ACADM: variants seen among roughly 807,000 people sequenced by gnomAD.
The protein encoded by ACADM is medium-chain specific acyl-CoA dehydrogenase, mitochondrial.
Under a neutral mutation model 58.9 loss-of-function variants are expected in ACADM, and 49 were observed. The observed-to-expected ratio is 0.83, with a 90% CI of 0.66 to 1.06. ACADM has a LOEUF of 1.06. Ranked by LOEUF, ACADM falls within the 50% of genes least tolerant of loss-of-function variation. ACADM has a pLI of 0.00. For synonymous variants in ACADM, 160 were observed against 157.7 expected, an observed-to-expected ratio of 1.01 and a Z score of -0.11; for missense variants, 496 against 507.0, an observed-to-expected ratio of 0.98 and a Z score of 0.21.
chr1:75,726,376 A>AAAG (rs1394184706), intron 1 of ACADM, among the ~76,000 whole-genome samples: 11 of 151,228 alleles, frequency 7.3e-5, no homozygotes, highest in African/African-American at 2.4e-4. Context: ...CAAAAAAAAA[A>AAAG]AAAAGTCCCT....
At chr1:75,735,131 C>T (rs943232680) in intron 6 of ACADM, among the ~76,000 whole-genome samples, 4 of 151,802 alleles carry the variant, frequency 2.6e-5, no homozygotes, top group East Asian at 1.9e-4. Flanking sequence ...GCCTGGCTAA[C>T]GTGGTGAAAC....
rs3831899 is a variant in ACADM at position 75,726,366 on chromosome 1, CAAAAA to C, written c.30+1559_30+1563del. 6.3e-3 allele frequency among the ~76,000 whole-genome samples: 903 copies of C among 143,180 alleles called. 14 individuals carry two copies. The highest frequency in any genetic ancestry group is 0.023 in the African/African-American group (870 of 38,642). The allele number at this position is 143,180 out of a possible 152,430, so 93.9% of individuals were successfully genotyped here. A position where few individuals can be genotyped will look rare whatever the true frequency, so the allele number is the denominator to read the frequency against. On this transcript the variant is annotated intron_variant, in intron 1 of 11. Transcript: ENST00000370841. Reference sequence around the variant, plus strand: ...CCTGGGTGACAGAGGGAGACTCTGTCAAAAAAAAAAAAAAGTCCCTCAGTAGACCA... The same window carrying C: ...CCTGGGTGACAGAGGGAGACTCTGTCAAAAAAAAAGTCCCTCAGTAGACCA...
rs756863325 is a variant in ACADM, at chr1:75,732,939, T to G, written c.286+17T>G. ...AGAACTGTGGTAAGCTTTCTTTATATTTTTAATACTGGAATGCATATGAGT... is the reference window on the plus strand; with the variant it reads ...AGAACTGTGGTAAGCTTTCTTTATAGTTTTAATACTGGAATGCATATGAGT... On this transcript the variant is annotated intron_variant, in intron 4 of 11. Coordinates refer to ENST00000370841, the MANE Select transcript of ACADM (RefSeq NM_000016.6). The G allele has an allele frequency of 2.5e-6, 4 of 1,613,516 alleles. No homozygotes were observed. The South Asian group carries it at 4.4e-5, about 18-fold the overall frequency.
At chr1:75,732,049 A>G (rs1411128198) in intron 2 of ACADM, among the ~76,000 whole-genome samples, 1 of 152,058 alleles carries the variant, frequency 6.6e-6, no homozygotes, top group Non-Finnish European at 1.5e-5. Flanking sequence ...CTAGTTGAGA[A>G]GCTGTGGTGG....
intron 10 of ACADM, among the ~76,000 whole-genome samples, chr1:75,755,604 C>T (rs1201271963): frequency 6.6e-6 from 1 of 152,198 alleles, no homozygotes; most frequent in Non-Finnish European, 1.5e-5. Context: ...AAAACCGCAT[C>T]TGTACGTCAC....
chr1:75,737,327 T>TATATATATGA (rs1491168235), intron 6 of ACADM, among the ~76,000 whole-genome samples: 22 of 76,662 alleles, frequency 2.9e-4, no homozygotes, highest in African/African-American at 1.2e-3. Flanking sequence ...TATATATATA[T>TATATATATGA]GAAACCAAAA....
intron 2 of ACADM, among the ~76,000 whole-genome samples, chr1:75,729,247 A>T (rs1340953441): frequency 4.6e-5 from 5 of 109,396 alleles, no homozygotes; most frequent in Admixed American, 8.5e-5. Flanking sequence ...TTTTTTTCTT[A>T]CCAGAATTTA....
intron 1 of ACADM, among the ~76,000 whole-genome samples, chr1:75,727,438 T>G (rs1647074042): frequency 6.6e-6 from 1 of 152,222 alleles, no homozygotes; most frequent in African/African-American, 2.4e-5. Flanking sequence ...TCTTTTACAG[T>G]GAAAATTGTG....
Position 75,733,531 on chromosome 1 carries a change from G to A in ACADM, c.290G>A (p.Gly97Asp), listed in dbSNP as rs1411355212. 1 of 1,612,884 alleles carries A rather than the reference G, an allele frequency of 6.2e-7. No homozygotes were observed. The highest frequency in any genetic ancestry group is 1.3e-5 in the African/African-American group (1 of 74,878). The change falls in exon 5 of 12, where the codon GGT becomes GAT. Residue 97 changes from glycine to aspartate, a missense_variant. Coordinates refer to ENST00000370841, the MANE Select transcript of ACADM (RefSeq NM_000016.6). ...TTGAAACATTTTGATACTGTAGGAG[G>A]TCTTGGACTTGGAACTTTTGATGCT... The part of the protein sequence containing the change: ...MNTHIPENCG[G>D]LGLGTFDACL...
chr1:75,756,635 C>T (rs1648523624), intron 10 of ACADM, among the ~76,000 whole-genome samples: 1 of 152,128 alleles, frequency 6.6e-6, no homozygotes, highest in African/African-American at 2.4e-5. Context: ...GGCCATATTG[C>T]CCAAGGTAAT....
At chr1:75,744,099 T>G in intron 7 of ACADM, 1 of 1,588,960 alleles carries the variant, frequency 6.3e-7, no homozygotes, top group Admixed American at 1.7e-5. Flanking sequence ...ATCCTGTTCA[T>G]TTTCTCCTGA....
rs990706580 is a variant in ACADM at position 75,733,523 on chromosome 1, T to C, written c.287-5T>C. On this transcript the variant is annotated splice_region_variant and splice_polypyrimidine_tract_variant and intron_variant, in intron 4 of 11. Coordinates refer to ENST00000370841, the MANE Select transcript of ACADM (RefSeq NM_000016.6). ...ACAATGTGTTGAAACATTTTGATAC[T>C]GTAGGAGGTCTTGGACTTGGAACTT... 4 of 1,609,080 alleles carry C rather than the reference T, an allele frequency of 2.5e-6. No individual in the cohort carries two copies. Among genetic ancestry groups the C allele is most frequent in the Non-Finnish European group, 3.4e-6 (4 of 1,175,458 alleles).
intron 4 of ACADM, chr1:75,733,252 G>A: frequency 6.7e-7 from 1 of 1,490,354 alleles, no homozygotes. Context: ...CTTTTCCTCA[G>A]ACCCAGTTTT....
chr1:75,757,825 C>G (rs1420691502), intron 10 of ACADM, among the ~76,000 whole-genome samples: 1 of 152,190 alleles, frequency 6.6e-6, no homozygotes, highest in Non-Finnish European at 1.5e-5. Context: ...CAACTTAGTT[C>G]TGACACTACC....
At chr1:75,732,795 A>G (rs758213925) in intron 3 of ACADM, 54 bp downstream of exon 3, 34 of 1,603,338 alleles carry the variant, frequency 2.1e-5, no homozygotes, top group Non-Finnish European at 2.7e-5. Flanking sequence ...TTACAAGATT[A>G]TGTAATCAAA....
chr1:75,754,901 A>G (rs970109583), intron 10 of ACADM: 1 of 152,174 alleles, frequency 6.6e-6, no homozygotes, highest in Non-Finnish European at 1.5e-5. Context: ...AAACTAGGAC[A>G]CTCCCACCCT....
In ACADM at chr1:75,737,279, A is replaced by AATATATAT. The variant is rs368688785; in HGVS notation, c.468+2449_468+2456dup. On this transcript the variant is annotated intron_variant, in intron 6 of 11. Transcript: ENST00000370841. The stretch of plus-strand genomic sequence containing the variant: ...GAGACTGCCACCACACACACACACA[A>AATATATAT]ATATATATATATATATATATATATA... 3.1e-3 allele frequency among the ~76,000 whole-genome samples: 134 copies of AATATATAT among 43,046 alleles called. 1 individual carries two copies. Among genetic ancestry groups the AATATATAT allele is most frequent in the Non-Finnish European group, 3.8e-3 (95 of 25,036 alleles). The allele number at this position is 43,046 out of a possible 152,430, so 28.2% of individuals were successfully genotyped here.
chr1:75,743,801 C>A (rs1299111620), intron 7 of ACADM: 2 of 1,521,114 alleles, frequency 1.3e-6, no homozygotes, highest in Admixed American at 3.3e-5. Flanking sequence ...ACCACCAGAC[C>A]CTGTGGGGTG....
intron 8 of ACADM, among the ~76,000 whole-genome samples, chr1:75,748,840 C>A (rs1179605115): frequency 6.6e-6 from 1 of 152,122 alleles, no homozygotes; most frequent in East Asian, 1.9e-4. Context: ...GAAATGTATA[C>A]ATAAAAATGG....
Sources: gnomAD v4.1 joint callset for allele counts (sites outside exome capture counted in the v4.1 genomes callset) on GRCh38, gnomAD v4.1.1 for gene constraint, MANE v1.5 for transcripts, NCBI Gene and HGNC (gene_info 2026-07-23, HGNC 2026-07-21) for gene names.